CTNNA3: variants seen among roughly 807,000 people sequenced by gnomAD.
The protein encoded by CTNNA3 is catenin alpha-3.
In CTNNA3, 76 loss-of-function variants were observed where a neutral mutation model predicts 95.7. The ratio of observed to expected loss-of-function variants is 0.79; its 90% CI spans 0.66 to 0.96. The LOEUF (loss-of-function observed/expected upper bound fraction) is 0.96, where lower values mean the gene tolerates loss of function less well. CTNNA3 is among the 40% of genes least tolerant of loss of function. CTNNA3 has a pLI of 0.00. For missense variants in CTNNA3, 1,191 were observed against 1,089.8 expected (o/e 1.09, Z -1.31); for synonymous variants, 431 against 374.4 (o/e 1.15, Z -1.74).
chr10:67,371,265 AC>A (rs1387589401), intron 5 of CTNNA3, among the ~76,000 whole-genome samples: 6 of 151,650 alleles, frequency 4.0e-5, no homozygotes, highest in African/African-American at 1.5e-4. Flanking sequence ...GTTCTAGGGT[AC>A]ATGTGCATAA....
Position 67,244,236 on chromosome 10 carries a change from T to C in CTNNA3, c.580-24366A>G, listed in dbSNP as rs78721321. 6.9e-3 allele frequency among the ~76,000 whole-genome samples: 1,050 copies of C among 152,314 alleles called. 8 individuals are homozygous for C. Among genetic ancestry groups the C allele is most frequent in the African/African-American group, 0.019 (799 of 41,570 alleles). ...GCCTCTTTTAAAAAACCAGTGATGA[T>C]GGTTTTTAATCACTTATAAGAAGGT... On this transcript the variant is annotated intron_variant, in intron 5 of 17. Transcript: ENST00000433211.
chr10:67,196,287 T>C (rs1863367105), intron 6 of CTNNA3, among the ~76,000 whole-genome samples: 1 of 152,086 alleles, frequency 6.6e-6, no homozygotes, highest in Admixed American at 6.6e-5. Flanking sequence ...ATTAGCAAGA[T>C]GATCAATACA....
intron 12 of CTNNA3, among the ~76,000 whole-genome samples, chr10:66,298,268 G>C (rs1206324300): frequency 3.3e-5 from 5 of 152,152 alleles, no homozygotes; most frequent in Non-Finnish European, 7.3e-5. Context: ...CCATAACTTA[G>C]ATGGGTTCAT....
intron 10 of CTNNA3, among the ~76,000 whole-genome samples, chr10:66,526,389 G>T (rs527495784): frequency 6.6e-6 from 1 of 152,144 alleles, no homozygotes; most frequent in Admixed American, 6.5e-5. Flanking sequence ...GTTTCGTCAT[G>T]TTGCCCAGGC....
chr10:66,688,610 G>C (rs1296388003), intron 9 of CTNNA3, among the ~76,000 whole-genome samples: 2 of 152,038 alleles, frequency 1.3e-5, no homozygotes, highest in Non-Finnish European at 2.9e-5. Flanking sequence ...CTTCACCTCA[G>C]CAGAAGATTT....
rs116790070 is a variant in CTNNA3, at chr10:66,646,379, G to A, written c.1282-24595C>T. Among the ~76,000 whole-genome samples, 644 of 152,234 alleles carry A rather than the reference G, an allele frequency of 4.2e-3. 3 individuals are homozygous for A. Among genetic ancestry groups the A allele is most frequent in the African/African-American group, 0.015 (610 of 41,540 alleles). On this transcript the variant is annotated intron_variant, in intron 9 of 17. Coordinates refer to ENST00000433211, the MANE Select transcript of CTNNA3 (RefSeq NM_013266.4). ...TAACTTTAACTATGTAGTCATCACA[G>A]AATGTTATGGGAGCAAAACAATAAC...
intron 15 of CTNNA3, among the ~76,000 whole-genome samples, chr10:65,990,773 T>A (rs925719197): frequency 1.5e-4 from 23 of 152,040 alleles, no homozygotes; most frequent in Admixed American, 1.5e-3. Context: ...TAGTTTAATA[T>A]AGTCCCATTT....
At chr10:66,805,826 T>A (rs1841618846) in intron 7 of CTNNA3, among the ~76,000 whole-genome samples, 1 of 152,068 alleles carries the variant, frequency 6.6e-6, no homozygotes, top group Non-Finnish European at 1.5e-5. Flanking sequence ...TGCACATCTG[T>A]GTTTTTGTAC....
intron 7 of CTNNA3, among the ~76,000 whole-genome samples, chr10:66,950,245 ATAT>A (rs1375049277): frequency 6.6e-6 from 1 of 152,082 alleles, no homozygotes; most frequent in Non-Finnish European, 1.5e-5. Context: ...CTCTAATTGT[ATAT>A]TATTATTATT....
intron 13 of CTNNA3, among the ~76,000 whole-genome samples, chr10:66,137,494 G>A (rs2083414467): frequency 6.6e-6 from 1 of 151,618 alleles, no homozygotes; most frequent in African/African-American, 2.4e-5. Context: ...CAGGGGGCAG[G>A]GACAGAAAAA....
At chr10:66,312,527 A>T (rs2092034953) in intron 12 of CTNNA3, among the ~76,000 whole-genome samples, 1 of 150,298 alleles carries the variant, frequency 6.7e-6, no homozygotes, top group Admixed American at 6.7e-5. Context: ...TAAACCTTAG[A>T]AACTCTGAGT....
At chr10:67,689,454 T>C (rs908942177) in intron 1 of CTNNA3, among the ~76,000 whole-genome samples, 1 of 152,096 alleles carries the variant, frequency 6.6e-6, no homozygotes, top group Non-Finnish European at 1.5e-5. Context: ...TAGGAGAAAC[T>C]AGAAAAGCAC....
At chr10:66,665,709 C>T (rs2394279) in intron 9 of CTNNA3, among the ~76,000 whole-genome samples, 79,707 of 151,964 alleles carry the variant, frequency 0.52, 21,997 homozygotes, top group East Asian at 0.77. Context: ...CTGAAAGATC[C>T]TCAGCTGTGG....
At chr10:66,535,523 C>A (rs967214331) in intron 10 of CTNNA3, among the ~76,000 whole-genome samples, 6 of 152,122 alleles carry the variant, frequency 3.9e-5, no homozygotes, top group Non-Finnish European at 7.4e-5. Flanking sequence ...AGGTGACAAA[C>A]CTACAATGGC....
chr10:67,077,709 T>G (rs1856809162), intron 7 of CTNNA3, among the ~76,000 whole-genome samples: 1 of 152,188 alleles, frequency 6.6e-6, no homozygotes, highest in Non-Finnish European at 1.5e-5. Context: ...TTGTTTAATG[T>G]GTATCCCCTT....
At chr10:66,926,409 C>T in intron 7 of CTNNA3, 5 of 695,712 alleles carry the variant, frequency 7.2e-6, no homozygotes, top group South Asian at 1.7e-5. Flanking sequence ...GAGTGTTCTG[C>T]GTGGCTGGCA....
intron 13 of CTNNA3, among the ~76,000 whole-genome samples, chr10:66,217,971 C>A (rs958980053): frequency 6.6e-6 from 1 of 152,038 alleles, no homozygotes; most frequent in African/African-American, 2.4e-5. Context: ...GGGGAAGGAG[C>A]TGGAGCCAGG....
At chr10:67,156,787 T>C (rs1324273738) in intron 7 of CTNNA3, among the ~76,000 whole-genome samples, 1 of 152,140 alleles carries the variant, frequency 6.6e-6, no homozygotes, top group African/African-American at 2.4e-5. Context: ...GTTCTGTCCA[T>C]GTTTTTTTAG....
intron 7 of CTNNA3, among the ~76,000 whole-genome samples, chr10:67,148,382 G>A (rs1015149049): frequency 6.6e-6 from 1 of 152,176 alleles, no homozygotes; most frequent in African/African-American, 2.4e-5. Context: ...AGAAGGAAAA[G>A]GCTGACTCTC....
Sources: allele counts gnomAD v4.1 joint callset (sites outside exome capture counted in the v4.1 genomes callset), GRCh38; gene constraint gnomAD v4.1.1; transcripts MANE v1.5; gene names NCBI Gene and HGNC (gene_info 2026-07-23, HGNC 2026-07-21).